The following DCLK1 variants were observed in gnomAD, a reference collection of about 807,000 sequenced individuals.
DCLK1 encodes the protein doublecortin like kinase 1, also known as serine/threonine-protein kinase DCLK1.
In DCLK1, 16 loss-of-function variants were observed where a neutral mutation model predicts 86.2. The observed-to-expected ratio is 0.19, with a 90% CI of 0.13 to 0.28. The LOEUF is 0.28. DCLK1 is among the 10% of genes least tolerant of loss of function. The probability of loss-of-function intolerance (pLI) is 1.00; values close to 1 mark genes in which losing one functional copy is unlikely to be tolerated. For missense variants in DCLK1, 590 were observed against 940.2 expected, an observed-to-expected ratio of 0.63 and a Z score of 4.87; for synonymous variants, 369 against 370.5, an observed-to-expected ratio of 1.00 and a Z score of 0.05.
At chr13:36,026,584 T>C (rs542843700) in intron 3 of DCLK1, among the ~76,000 whole-genome samples, 1 of 152,370 alleles carries the variant, frequency 6.6e-6, no homozygotes, top group African/African-American at 2.4e-5. Context: ...CATTTTATGG[T>C]GAATTTATTA....
intron 3 of DCLK1, among the ~76,000 whole-genome samples, chr13:36,052,925 G>T (rs1883177836): frequency 6.6e-6 from 1 of 152,108 alleles, no homozygotes; most frequent in East Asian, 1.9e-4. Context: ...TAGTCTCTCA[G>T]CCTGAGTCCT....
intron 2 of DCLK1, among the ~76,000 whole-genome samples, chr13:36,121,807 C>T (rs1280693585): frequency 6.6e-6 from 1 of 152,092 alleles, no homozygotes; most frequent in Non-Finnish European, 1.5e-5. Context: ...TCTGAGAGGA[C>T]CCTCAAGAAA....
chr13:36,001,395 T>C (rs553493729), intron 3 of DCLK1, among the ~76,000 whole-genome samples: 123 of 152,314 alleles, frequency 8.1e-4, no homozygotes, highest in Middle Eastern at 6.8e-3. Flanking sequence ...CAGCTGCCTA[T>C]GGGTTCCAGA....
chr13:35,855,921 T>TAGA, intron 5 of DCLK1: 2 of 946,520 alleles, frequency 2.1e-6, no homozygotes, highest in Non-Finnish European at 2.6e-6. Flanking sequence ...ATAACTCTTC[T>TAGA]AAAGCCTGGT....
At chr13:36,058,344 A>G (rs953017873) in intron 3 of DCLK1, among the ~76,000 whole-genome samples, 2 of 152,190 alleles carry the variant, frequency 1.3e-5, no homozygotes, top group African/African-American at 4.8e-5. Context: ...ACCAAGGGCT[A>G]GGCTGTGTGA....
At chr13:35,882,924 T>G (rs145589201) in intron 4 of DCLK1, among the ~76,000 whole-genome samples, 33 of 152,278 alleles carry the variant, frequency 2.2e-4, no homozygotes, top group African/African-American at 7.2e-4. Flanking sequence ...ATAAGAACTT[T>G]GCCAAGAATT....
At chr13:35,841,187 G>A (rs1473221804) in intron 6 of DCLK1, among the ~76,000 whole-genome samples, 2 of 152,126 alleles carry the variant, frequency 1.3e-5, no homozygotes, top group Non-Finnish European at 2.9e-5. Flanking sequence ...TTTAAATTTA[G>A]AATACAAAGA....
intron 15 of DCLK1, among the ~76,000 whole-genome samples, chr13:35,796,878 G>T: frequency 6.6e-6 from 1 of 152,190 alleles, no homozygotes. Context: ...ATTGAATTAG[G>T]GGCTGAACAA....
intron 4 of DCLK1, among the ~76,000 whole-genome samples, chr13:35,900,839 A>G (rs555159309): frequency 3.3e-5 from 5 of 152,302 alleles, no homozygotes; most frequent in Admixed American, 2.6e-4. Flanking sequence ...GGATTATAGA[A>G]TGTGGAAATA....
At chr13:36,037,742 C>T (rs955908522) in intron 3 of DCLK1, among the ~76,000 whole-genome samples, 1 of 152,060 alleles carries the variant, frequency 6.6e-6, no homozygotes, top group African/African-American at 2.4e-5. Context: ...TCTCAACCTC[C>T]CAAAGTGCTG....
intron 3 of DCLK1, among the ~76,000 whole-genome samples, chr13:35,977,119 G>A (rs77546271): frequency 2.1e-5 from 1 of 46,678 alleles, no homozygotes; most frequent in Non-Finnish European, 6.9e-5. Flanking sequence ...TTTCGTGTAT[G>A]TGTGTGTGTA....
intron 16 of DCLK1, among the ~76,000 whole-genome samples, chr13:35,779,826 T>C (rs946248313): frequency 6.6e-6 from 1 of 152,174 alleles, no homozygotes; most frequent in Non-Finnish European, 1.5e-5. Flanking sequence ...GACTCTAAAA[T>C]ATATGCAGTT....
intron 3 of DCLK1, among the ~76,000 whole-genome samples, chr13:36,079,063 C>T (rs1039363064): frequency 1.8e-4 from 28 of 152,064 alleles, no homozygotes; most frequent in Admixed American, 1.2e-3. Flanking sequence ...CTGTGTGTCT[C>T]AATGGTGCAG....
At chr13:35,787,346 T>C (rs2086641743) in intron 16 of DCLK1, among the ~76,000 whole-genome samples, 1 of 151,838 alleles carries the variant, frequency 6.6e-6, no homozygotes, top group South Asian at 2.1e-4. Context: ...AACATTAAGA[T>C]GGCGAAAACA....
chr13:35,799,920 T>C (rs112398141), intron 15 of DCLK1, among the ~76,000 whole-genome samples: 14 of 152,338 alleles, frequency 9.2e-5, no homozygotes, highest in Middle Eastern at 3.4e-3. Flanking sequence ...GCCTAAATCA[T>C]ATTGTTCTCC....
chr13:35,786,791 C>T (rs2086630921), intron 16 of DCLK1, among the ~76,000 whole-genome samples: 1 of 152,152 alleles, frequency 6.6e-6, no homozygotes, highest in Non-Finnish European at 1.5e-5. Flanking sequence ...GTTCTTTCTA[C>T]ATCCATAAGG....
intron 2 of DCLK1, among the ~76,000 whole-genome samples, chr13:36,118,536 T>G (rs9546430): frequency 6.6e-6 from 1 of 151,906 alleles, no homozygotes; most frequent in Non-Finnish European, 1.5e-5. Context: ...GAAATTAAGT[T>G]GACTTTGCAC....
chr13:35,857,782 C>T (rs1161189427), intron 5 of DCLK1, among the ~76,000 whole-genome samples: 1 of 152,164 alleles, frequency 6.6e-6, no homozygotes, highest in Non-Finnish European at 1.5e-5. Flanking sequence ...GCAAGGGGGG[C>T]ACAATGAAGG....
intron 3 of DCLK1, among the ~76,000 whole-genome samples, chr13:36,109,065 A>G (rs867887323): frequency 5.3e-5 from 8 of 152,324 alleles, no homozygotes; most frequent in Middle Eastern, 3.4e-3. Context: ...AAAAGATTCT[A>G]AAGACTCCTG....
Sources: allele counts gnomAD v4.1 joint callset (sites outside exome capture counted in the v4.1 genomes callset), GRCh38; gene constraint gnomAD v4.1.1; transcripts MANE v1.5; gene names NCBI Gene and HGNC (gene_info 2026-07-23, HGNC 2026-07-21).